Variants in ZHX3 observed in about 807,000 individuals in gnomAD.
ZHX3 encodes the protein zinc fingers and homeoboxes 3.
In ZHX3, 20 loss-of-function variants were observed where a neutral mutation model predicts 64.5. The observed-to-expected ratio is 0.31, with a 90% CI of 0.22 to 0.45. ZHX3 has a LOEUF of 0.45. ZHX3 is among the 20% of genes least tolerant of loss of function. The pLI is 1.00. For missense variants in ZHX3, 1,041 were observed against 1,195.8 expected, an observed-to-expected ratio of 0.87 and a Z score of 1.91; for synonymous variants, 423 against 461.6, an observed-to-expected ratio of 0.92 and a Z score of 1.07.
rs562256820 is a variant in ZHX3 at position 41,236,756 on chromosome 20, C to A, written c.-150-31690G>T. 5.2e-3 allele frequency among the ~76,000 whole-genome samples: 786 copies of A among 152,176 alleles called. 3 individuals carry two copies. Among genetic ancestry groups the A allele is most frequent in the African/African-American group, 0.017 (686 of 41,502 alleles). ...ACACCAAAAGCAATGGCAACAAAAG[C>A]CAAAATTGACAAATGGGATCTAATT... is the stretch of plus-strand genomic sequence containing the variant. On this transcript the variant is annotated intron_variant, in intron 2 of 3. Coordinates refer to ENST00000683867, the MANE Select transcript of ZHX3 (RefSeq NM_001384317.1).
At chr20:41,315,148 G>A (rs749635672) in intron 1 of ZHX3, among the ~76,000 whole-genome samples, 9 of 152,114 alleles carry the variant, frequency 5.9e-5, no homozygotes, top group African/African-American at 1.2e-4. Context: ...AGTTCTAGGC[G>A]GAGGGAACAG....
chr20:41,266,844 CTTTT>C (rs11327834), intron 2 of ZHX3, among the ~76,000 whole-genome samples: 1 of 76,436 alleles, frequency 1.3e-5, no homozygotes, highest in Non-Finnish European at 2.7e-5. Context: ...CGTGCCCGGC[CTTTT>C]TTTTTTTTTT....
intron 2 of ZHX3, among the ~76,000 whole-genome samples, chr20:41,206,374 C>G (rs976896798): frequency 6.6e-6 from 1 of 152,020 alleles, no homozygotes; most frequent in Non-Finnish European, 1.5e-5. Context: ...GGAGGATGCT[C>G]GAAGCCATCA....
chr20:41,208,108 C>G (rs903812862), intron 2 of ZHX3, among the ~76,000 whole-genome samples: 2 of 152,176 alleles, frequency 1.3e-5, no homozygotes, highest in Admixed American at 1.3e-4. Context: ...TGGATAAATT[C>G]CTGGACACAT....
chr20:41,253,950 GA>G (rs1351347502), intron 2 of ZHX3, among the ~76,000 whole-genome samples: 2 of 151,910 alleles, frequency 1.3e-5, no homozygotes, highest in Non-Finnish European at 2.9e-5. Flanking sequence ...TAAAATGTTG[GA>G]AAAAAATTCC....
intron 1 of ZHX3, among the ~76,000 whole-genome samples, chr20:41,283,538 C>A (rs2043793529): frequency 6.6e-6 from 1 of 152,092 alleles, no homozygotes; most frequent in Non-Finnish European, 1.5e-5. Flanking sequence ...GCGGGCAGAT[C>A]ACGAGGTCAG....
intron 1 of ZHX3, among the ~76,000 whole-genome samples, chr20:41,305,628 C>T (rs974150219): frequency 1.3e-5 from 2 of 151,384 alleles, no homozygotes; most frequent in African/African-American, 4.9e-5. Flanking sequence ...ACTAAAAATA[C>T]AAAAAATTAG....
At chr20:41,215,097 A>C (rs1433295338) in intron 2 of ZHX3, among the ~76,000 whole-genome samples, 1 of 152,108 alleles carries the variant, frequency 6.6e-6, no homozygotes, top group Non-Finnish European at 1.5e-5. Flanking sequence ...TCTCTACTAA[A>C]AACACAATAA....
At chr20:41,235,133 G>T (rs2040882226) in intron 2 of ZHX3, among the ~76,000 whole-genome samples, 1 of 152,026 alleles carries the variant, frequency 6.6e-6, no homozygotes, top group Non-Finnish European at 1.5e-5. Flanking sequence ...GTGTGTGTGT[G>T]TATGTGCACA....
rs567911603 is a variant in ZHX3 at position 41,204,137 on chromosome 20, T to C, written c.780A>G (p.Thr260=). The C allele has an allele frequency of 6.2e-7, 1 of 1,606,460 alleles. No homozygotes were observed. The highest frequency in any genetic ancestry group is 2.2e-5 in the East Asian group (1 of 44,810). The change falls in exon 3 of 4, where the codon ACA becomes ACG. Residue 260 remains threonine (T), a synonymous_variant. Transcript: ENST00000683867. This position sits in a 1 kb window ranked among gnomAD's most constrained non-coding sequence, Gnocchi z 6.6. The stretch of plus-strand genomic sequence containing the variant: ...CTATGCCAGCTGGCAAAACTGGCAC[T>C]GTTCCTATCAGGGGCCCGTTGGCGG... The part of the protein sequence containing the change: ...PHAANGPLIG[T]VPVLPAGIAQ...
chr20:41,277,844 G>A (rs2043468744), intron 1 of ZHX3, among the ~76,000 whole-genome samples: 1 of 136,940 alleles, frequency 7.3e-6, no homozygotes, highest in African/African-American at 2.8e-5. Context: ...GCCCGCCTCG[G>A]CCTCCCAAAG....
Position 41,232,855 on chromosome 20 carries a change from G to A in ZHX3, c.-150-27789C>T, listed in dbSNP as rs2040715622. Among the ~76,000 whole-genome samples, 1 of 152,214 alleles carries A rather than the reference G, an allele frequency of 6.6e-6. No individual in the cohort carries two copies. The highest frequency in any genetic ancestry group is 1.5e-5 in the Non-Finnish European group (1 of 68,048). On this transcript the variant is annotated intron_variant, in intron 2 of 3. Transcript: ENST00000683867. The surrounding 1 kb of genome is among the most constrained non-coding windows in gnomAD (Gnocchi z 5.0). ...CCGCCTCGGCCTCCCAAAGTGCTGG[G>A]ATTACAGGCATGAGCCACCACGCCC...
intron 1 of ZHX3, among the ~76,000 whole-genome samples, chr20:41,280,459 T>C (rs1478685498): frequency 6.6e-6 from 1 of 152,236 alleles, no homozygotes; most frequent in Non-Finnish European, 1.5e-5. Context: ...AATTGTAGTA[T>C]TCTCTGAAAG....
intron 2 of ZHX3, among the ~76,000 whole-genome samples, chr20:41,260,223 TTAAA>T (rs2042488436): frequency 6.6e-6 from 1 of 151,112 alleles, no homozygotes; most frequent in Non-Finnish European, 1.5e-5. Flanking sequence ...TTTTACCATC[TTAAA>T]TAGTTTTGAA....
chr20:41,235,772 G>C (rs961010526), intron 2 of ZHX3, among the ~76,000 whole-genome samples: 6 of 152,260 alleles, frequency 3.9e-5, no homozygotes, highest in African/African-American at 1.4e-4. Context: ...TCTGGCCAGG[G>C]CAATCAGGCA....
intron 1 of ZHX3, among the ~76,000 whole-genome samples, chr20:41,306,765 T>C (rs759155939): frequency 2.2e-4 from 33 of 152,372 alleles, no homozygotes; most frequent in Non-Finnish European, 3.7e-4. Flanking sequence ...CTGTGAACTA[T>C]ATATGTTGAT....
At chr20:41,196,457 T>TAATATATATTTATATATTATAAATATATA (rs11480834) in intron 3 of ZHX3, among the ~76,000 whole-genome samples, 1 of 1,370 alleles carries the variant, frequency 7.3e-4, no homozygotes, top group Non-Finnish European at 1.9e-3. Context: ...ATATAATATA[T>TAATATATATTTATATATTATAAATATATA]TTATATATAA....
chr20:41,202,632 T>C lies in ZHX3; in HGVS notation c.2285A>G (p.Gln762Arg), dbSNP rs147405074. Residue 762 changes from glutamine (Q) to arginine (R), a missense_variant, in exon 3 of 4, where the codon CAG becomes CGG. Physicochemically the swap from Gln to Arg is conservative, Grantham distance 43 (BLOSUM62 1). This residue lies in a region of ZHX3 where 649 missense variants were observed against 739.8 expected (regional missense o/e 0.88). Coordinates refer to ENST00000683867, the MANE Select transcript of ZHX3 (RefSeq NM_001384317.1). This position sits in a 1 kb window ranked among gnomAD's most constrained non-coding sequence, Gnocchi z 7.0. ...EDDESNKLAE[Q>R]LPGKVSCKKT... ...TTTGCAGCTCACTTTGCCTGGGAGC[T>C]GCTCTGCCAGTTTGTTTGACTCATC... 6.2e-7 allele frequency: 1 copy of C among 1,613,940 alleles called. No homozygotes were observed. Among genetic ancestry groups the C allele is most frequent in the Non-Finnish European group, 8.5e-7 (1 of 1,180,006 alleles).
intron 2 of ZHX3, among the ~76,000 whole-genome samples, chr20:41,261,954 C>T (rs182299422): frequency 1.3e-5 from 2 of 152,310 alleles, no homozygotes; most frequent in Admixed American, 1.3e-4. Flanking sequence ...CCAATCCACA[C>T]CCTTTATGCC....
Sources: allele counts gnomAD v4.1 joint callset (sites outside exome capture counted in the v4.1 genomes callset), GRCh38; gene constraint gnomAD v4.1.1; regional missense constraint gnomAD v4.1.1; non-coding constraint Gnocchi (gnomAD v3.1); transcripts MANE v1.5; gene names NCBI Gene and HGNC (gene_info 2026-07-23, HGNC 2026-07-21).